ATXN2: variants seen among roughly 807,000 people sequenced by gnomAD.
ATXN2 encodes the protein ataxin-2.
In ATXN2, 37 loss-of-function variants were observed where a neutral mutation model predicts 138.6. The observed-to-expected ratio is 0.27, with a 90% CI of 0.21 to 0.35. The LOEUF (loss-of-function observed/expected upper bound fraction) is 0.35. Among genes scored for constraint, ATXN2 ranks in the 10% least tolerant of loss-of-function variants. The pLI is 1.00. For missense variants in ATXN2, 1,216 were observed against 1,480.3 expected, an observed-to-expected ratio of 0.82 and a Z score of 2.93; for synonymous variants, 549 against 543.7, an observed-to-expected ratio of 1.01 and a Z score of -0.13.
At chr12:111,505,273 A>G (rs557095949) in intron 14 of ATXN2, among the ~76,000 whole-genome samples, 2 of 152,318 alleles carry the variant, frequency 1.3e-5, no homozygotes, top group East Asian at 3.9e-4. Flanking sequence ...AAAAACCCAG[A>G]AGAGTAATAA....
chr12:111,539,844 C>A (rs1474110228), intron 5 of ATXN2, among the ~76,000 whole-genome samples: 2 of 150,074 alleles, frequency 1.3e-5, no homozygotes, highest in African/African-American at 4.8e-5. Flanking sequence ...GTTCAAGAAT[C>A]AAAAAACAGA....
intron 1 of ATXN2, among the ~76,000 whole-genome samples, chr12:111,597,427 G>T (rs1051855954): frequency 6.6e-6 from 1 of 152,198 alleles, no homozygotes; most frequent in Non-Finnish European, 1.5e-5. Context: ...CCTAAAGAAG[G>T]CACAGTAGTG....
chr12:111,491,894 C>T (rs567144017), intron 14 of ATXN2, among the ~76,000 whole-genome samples: 23 of 152,204 alleles, frequency 1.5e-4, no homozygotes, highest in African/African-American at 5.5e-4. Context: ...TACAATAAAG[C>T]AGATTCCTAA....
At chr12:111,494,311 T>C (rs1878263204) in intron 14 of ATXN2, among the ~76,000 whole-genome samples, 1 of 152,148 alleles carries the variant, frequency 6.6e-6, no homozygotes, top group African/African-American at 2.4e-5. Flanking sequence ...AGATGAAGTG[T>C]AGAGTTTTTA....
rs749314869 is a variant in ATXN2 at position 111,520,916 on chromosome 12, C to T, written c.754G>A (p.Val252Met). 5.0e-6 allele frequency: 8 copies of T among 1,600,228 alleles called. No homozygotes were observed. The South Asian group carries it at 5.6e-5, about 11-fold the overall frequency. The change falls in exon 7 of 25, where the codon GTG becomes ATG. Residue 252 changes from valine to methionine, a missense_variant. By Grantham distance (21) the Val-to-Met change is conservative (BLOSUM62 1). This residue lies in a region of ATXN2 where 401 missense variants were observed against 528.1 expected (regional missense o/e 0.76). Coordinates refer to ENST00000673436, the MANE Select transcript of ATXN2 (RefSeq NM_001372574.1). ...FRYNEENYGVVSTYDSSLSSY... is the reference protein window; with the variant it reads ...FRYNEENYGVMSTYDSSLSSY... ...GATAAACTGCTATCATACGTAGACACTACACCATAATTTTCTTCATTATAT... is the reference window on the plus strand; with the variant it reads ...GATAAACTGCTATCATACGTAGACATTACACCATAATTTTCTTCATTATAT...
chr12:111,592,405 C>T (rs1002514145), intron 1 of ATXN2, among the ~76,000 whole-genome samples: 1 of 150,140 alleles, frequency 6.7e-6, no homozygotes, highest in Non-Finnish European at 1.5e-5. Context: ...ACAAAAAAAC[C>T]CTTAGATGGT....
rs559254924 is a variant in ATXN2 at position 111,568,735 on chromosome 12, T to G, written c.252-12816A>C. On this transcript the variant is annotated intron_variant, in intron 1 of 24. Transcript: ENST00000673436. ...CTATTATGTCTACCCGTTTTAATAC[T>G]TAAGTAACTAATATTTAGTACATCA... 2.0e-5 allele frequency among the ~76,000 whole-genome samples: 3 copies of G among 152,214 alleles called. No homozygotes were observed. The East Asian group carries it at 5.8e-4, about 29-fold the overall frequency.
chr12:111,545,152 G>A (rs1881736887), intron 5 of ATXN2, among the ~76,000 whole-genome samples: 1 of 151,992 alleles, frequency 6.6e-6, no homozygotes, highest in Non-Finnish European at 1.5e-5. Context: ...GCGAGACTCT[G>A]TCTCAAAAAC....
At chr12:111,466,369 C>T (rs1357856761) in intron 20 of ATXN2, among the ~76,000 whole-genome samples, 2 of 150,878 alleles carry the variant, frequency 1.3e-5, no homozygotes, top group African/African-American at 2.4e-5. Context: ...GGCATGGTGG[C>T]GGGCGCCTGT....
chr12:111,520,651 A>G (rs1880107427), intron 7 of ATXN2, among the ~76,000 whole-genome samples: 1 of 152,192 alleles, frequency 6.6e-6, no homozygotes, highest in Non-Finnish European at 1.5e-5. Flanking sequence ...TTCCCTCTCA[A>G]AAGAAAAAAA....
chr12:111,496,887 T>A (rs1878450612), intron 14 of ATXN2, among the ~76,000 whole-genome samples: 1 of 150,200 alleles, frequency 6.7e-6, no homozygotes, highest in African/African-American at 2.5e-5. Context: ...CAGAAATAAA[T>A]AAAATTGAAA....
Position 111,579,980 on chromosome 12 carries a change from G to A in ATXN2, c.251+18804C>T, listed in dbSNP as rs188236251. 1.9e-3 allele frequency among the ~76,000 whole-genome samples: 293 copies of A among 152,144 alleles called. 1 individual carries two copies. The highest frequency in any genetic ancestry group is 0.01 in the Middle Eastern group (3 of 294). ...CTCCCAAAGTGCTGGGATTACAGGC[G>A]TGAGCCACTGGGCCCAGCCAGAGAT... On this transcript the variant is annotated intron_variant, in intron 1 of 24. Coordinates refer to ENST00000673436, the MANE Select transcript of ATXN2 (RefSeq NM_001372574.1).
At chr12:111,548,141 C>A (rs1339277203) in intron 5 of ATXN2, among the ~76,000 whole-genome samples, 1 of 151,686 alleles carries the variant, frequency 6.6e-6, no homozygotes, top group Non-Finnish European at 1.5e-5. Context: ...TGCAGTGCGC[C>A]AAGATCACGC....
intron 14 of ATXN2, among the ~76,000 whole-genome samples, chr12:111,507,511 G>A (rs1436498251): frequency 1.6e-4 from 24 of 150,426 alleles, no homozygotes; most frequent in Admixed American, 1.3e-4. Context: ...GCCCCCGCCC[G>A]GCCAGCCGCC....
chr12:111,562,032 C>T (rs756513418), intron 1 of ATXN2, among the ~76,000 whole-genome samples: 3 of 151,782 alleles, frequency 2.0e-5, no homozygotes, highest in African/African-American at 7.2e-5. Context: ...AGGATGGTCT[C>T]GATCTCCTGA....
At chr12:111,518,214 T>C in intron 9 of ATXN2, 35 bp downstream of exon 9, 1 of 1,488,142 alleles carries the variant, frequency 6.7e-7, no homozygotes, top group Non-Finnish European at 9.1e-7. Context: ...AACTATTTTA[T>C]CAATGATATT....
intron 21 of ATXN2, chr12:111,461,364 G>A (rs1170545722): frequency 6.6e-6 from 1 of 152,070 alleles, no homozygotes; most frequent in Non-Finnish European, 1.5e-5. Flanking sequence ...CAGCTACTAG[G>A]GAGAGTGGGG....
rs1028434946 is a variant in ATXN2, at chr12:111,516,939, C to T, written c.1166-576G>A. Among the ~76,000 whole-genome samples the T allele has an allele frequency of 1.3e-5, 2 of 152,140 alleles. No individual in the cohort carries two copies. The highest frequency in any genetic ancestry group is 4.8e-5 in the African/African-American group (2 of 41,446). ...CCATTTAAGTAGAAATAAAACATTA[C>T]TCTTCTAGAGTTTGTGACTCCTGTG... On this transcript the variant is annotated intron_variant, in intron 9 of 24. Coordinates refer to ENST00000673436, the MANE Select transcript of ATXN2 (RefSeq NM_001372574.1). This position sits in a 1 kb window ranked among gnomAD's most constrained non-coding sequence, Gnocchi z 5.0.
At chr12:111,583,415 T>C (rs1346948242) in intron 1 of ATXN2, among the ~76,000 whole-genome samples, 1 of 152,032 alleles carries the variant, frequency 6.6e-6, no homozygotes, top group East Asian at 1.9e-4. Context: ...AGGGATACAA[T>C]CAATAGTGAA....
Sources: gnomAD v4.1 joint callset for allele counts (sites outside exome capture counted in the v4.1 genomes callset) on GRCh38, gnomAD v4.1.1 for gene constraint, gnomAD v4.1.1 regional missense constraint, Gnocchi (gnomAD v3.1) non-coding constraint, MANE v1.5 for transcripts, NCBI Gene and HGNC (gene_info 2026-07-23, HGNC 2026-07-21) for gene names.